The following MASTL variants were observed in gnomAD, a reference collection of about 807,000 sequenced individuals.
MASTL encodes microtubule associated serine/threonine kinase like.
In MASTL, 54 loss-of-function variants were observed where a neutral mutation model predicts 82.5. The observed-to-expected ratio is 0.65, with a 90% CI of 0.53 to 0.82. The LOEUF (loss-of-function observed/expected upper bound fraction) is 0.82. Ranked by LOEUF, MASTL falls within the 40% of genes least tolerant of loss-of-function variation. The pLI is 0.00. For missense variants in MASTL, 950 were observed against 1,047.8 expected, an observed-to-expected ratio of 0.91 and a Z score of 1.29; for synonymous variants, 323 against 368.9, an observed-to-expected ratio of 0.88 and a Z score of 1.43.
In MASTL at chr10:27,187,055, A is replaced by G. The variant is rs2058806019; in HGVS notation, c.*519A>G. On this transcript the variant is annotated 3_prime_UTR_variant, in exon 12 of 12. Coordinates refer to ENST00000375940, the MANE Select transcript of MASTL (RefSeq NM_001172303.3). ...AGTGGCTCACGCATGTAATCCCAGC[A>G]CTGTGGGAGGCCGAGGCAGGCTGAT... is the stretch of plus-strand genomic sequence containing the variant. 5.5e-6 allele frequency: 1 copy of G among 180,450 alleles called. No individual in the cohort carries two copies. Among genetic ancestry groups the G allele is most frequent in the Admixed American group, 5.6e-5 (1 of 17,972 alleles). 11.2% of individuals were successfully genotyped at this position (180,450 alleles called of 1,614,324 possible). A position where few individuals can be genotyped will look rare whatever the true frequency, so the allele number is the denominator to read the frequency against.
At chr10:27,158,414 G>C in intron 1 of MASTL, 135 bp from the exon 2 acceptor site, 1 of 696,696 alleles carries the variant, frequency 1.4e-6, no homozygotes, top group Non-Finnish European at 2.5e-6. Context: ...GGCTGAGGTG[G>C]GAGGATAACT....
intron 1 of MASTL, among the ~76,000 whole-genome samples, chr10:27,156,477 G>A (rs1353119876): frequency 2.0e-5 from 3 of 152,018 alleles, no homozygotes; most frequent in Admixed American, 2.0e-4. Flanking sequence ...TTAACCAGAA[G>A]AAAGATTACT....
intron 7 of MASTL, among the ~76,000 whole-genome samples, chr10:27,169,494 C>G (rs951983923): frequency 3.2e-4 from 48 of 151,270 alleles, no homozygotes; most frequent in African/African-American, 1.2e-3. Context: ...TGCTTGAACC[C>G]AGGAGGCAGA....
chr10:27,182,246 C>CAA lies in MASTL; in HGVS notation c.2482+679_2482+680dup, dbSNP rs139820757. Among the ~76,000 whole-genome samples the CAA allele has an allele frequency of 7.1e-3, 966 of 135,276 alleles. 11 individuals are homozygous for CAA. The highest frequency in any genetic ancestry group is 0.04 in the Middle Eastern group (10 of 252). The allele number at this position is 135,276 out of a possible 152,430, so 88.7% of individuals were successfully genotyped here. A position where few individuals can be genotyped will look rare whatever the true frequency, so the allele number is the denominator to read the frequency against. On this transcript the variant is annotated intron_variant, in intron 11 of 11. Coordinates refer to ENST00000375940, the MANE Select transcript of MASTL (RefSeq NM_001172303.3). ...AGCCTGGGCGACAGAGACTCTGTCT[C>CAA]AAAAAAAAAAAAAAATCAAGTTCCA... is the stretch of plus-strand genomic sequence containing the variant.
chr10:27,176,687 C>T (rs1461024440), intron 9 of MASTL, among the ~76,000 whole-genome samples: 1 of 152,106 alleles, frequency 6.6e-6, no homozygotes, highest in East Asian at 1.9e-4. Flanking sequence ...CATAAAGCAT[C>T]CCTTGATCAA....
chr10:27,155,708 G>C (rs1355216643), intron 1 of MASTL, 96 bp downstream of exon 1: 1 of 1,407,618 alleles, frequency 7.1e-7, no homozygotes, highest in Admixed American at 1.9e-5. Flanking sequence ...CTGGAGCGAG[G>C]AGTCTGGGTG....
chr10:27,181,860 A>T (rs981891367), intron 11 of MASTL, among the ~76,000 whole-genome samples: 1 of 152,024 alleles, frequency 6.6e-6, no homozygotes, highest in African/African-American at 2.4e-5. Context: ...GGATCACGAG[A>T]TCAGGAGATC....
At chr10:27,156,745 C>G (rs2057398355) in intron 1 of MASTL, among the ~76,000 whole-genome samples, 1 of 151,420 alleles carries the variant, frequency 6.6e-6, no homozygotes, top group African/African-American at 2.4e-5. Context: ...GTCTGGAGCT[C>G]CTGACCTCAG....
intron 1 of MASTL, among the ~76,000 whole-genome samples, chr10:27,156,132 C>T (rs1241630314): frequency 6.6e-6 from 1 of 151,838 alleles, no homozygotes; most frequent in Non-Finnish European, 1.5e-5. Flanking sequence ...GGCCTCCCGA[C>T]GAGCTGGGAC....
chr10:27,164,966 CA>C, intron 4 of MASTL, 97 bp from the exon 5 acceptor site: 2 of 832,042 alleles, frequency 2.4e-6, no homozygotes, highest in Non-Finnish European at 4.0e-6. Context: ...ATTTGGTTTA[CA>C]AAAAATTGTT....
Position 27,186,734 on chromosome 10 carries a change from C to T in MASTL, c.*198C>T, listed in dbSNP as rs912616214. 1.4e-4 allele frequency: 83 copies of T among 590,540 alleles called. No individual in the cohort carries two copies. Among genetic ancestry groups the T allele is most frequent in the Non-Finnish European group, 2.0e-4 (68 of 333,730 alleles). 36.6% of individuals were successfully genotyped at this position (590,540 alleles called of 1,614,324 possible). ...TCAGTAATTTATCTTAACCTCAAAACTGTATATAAATCTTCAAAGCTTTTT... is the reference window on the plus strand; with the variant it reads ...TCAGTAATTTATCTTAACCTCAAAATTGTATATAAATCTTCAAAGCTTTTT... On this transcript the variant is annotated 3_prime_UTR_variant, in exon 12 of 12. Transcript: ENST00000375940.
At chr10:27,182,122 G>C (rs2058353945) in intron 11 of MASTL, among the ~76,000 whole-genome samples, 1 of 151,040 alleles carries the variant, frequency 6.6e-6, no homozygotes, top group Non-Finnish European at 1.5e-5. Flanking sequence ...GTGGTGGCGT[G>C]CACCTGTAGT....
At chr10:27,167,361 A>G in intron 7 of MASTL, 87 bp downstream of exon 7, 2 of 1,185,984 alleles carry the variant, frequency 1.7e-6, no homozygotes, top group South Asian at 2.6e-5. Flanking sequence ...TAAATTCCAT[A>G]AAGAAATGAA....
chr10:27,181,070 A>AT lies in MASTL; in HGVS notation c.2380+6dup, dbSNP rs1415109815. On this transcript the variant is annotated splice_donor_region_variant and intron_variant, in intron 10 of 11. Transcript: ENST00000375940. ...TTCCAGAATATTCTGAAAAGAGGTG[A>AT]TTCTTTTTCTCCTATTAAGATAGTC... 2 of 1,535,874 alleles carry AT rather than the reference A, an allele frequency of 1.3e-6. No individual in the cohort carries two copies.
upstream of MASTL, chr10:27,155,282 G>A: frequency 1.3e-6 from 1 of 763,414 alleles, no homozygotes; most frequent in African/African-American, 1.8e-5. Flanking sequence ...CGTCTGCGTA[G>A]GGGAGGTGAC....
At position 27,181,711 on chromosome 10, in the gene MASTL, C is replaced by T. The variant is rs536973482; in HGVS notation, c.2482+130C>T. The T allele has an allele frequency of 1.9e-3, 1,217 of 627,706 alleles. 4 individuals are homozygous for T. Among genetic ancestry groups the T allele is most frequent in the Non-Finnish European group, 1.8e-3 (624 of 348,554 alleles). 38.9% of individuals were successfully genotyped at this position (627,706 alleles called of 1,614,324 possible). A position where few individuals can be genotyped will look rare whatever the true frequency, so the allele number is the denominator to read the frequency against. On this transcript the variant is annotated intron_variant, in intron 11 of 11. Coordinates refer to ENST00000375940, the MANE Select transcript of MASTL (RefSeq NM_001172303.3). ...ATCCCAGCACTTTGGGAGGCTGAGG[C>T]GGGCTGATCACAAGGTCAGGAGTTC... is the stretch of plus-strand genomic sequence containing the variant.
At chr10:27,173,031 G>A in intron 8 of MASTL, 87 bp from the exon 9 acceptor site, 1 of 1,519,126 alleles carries the variant, frequency 6.6e-7, no homozygotes, top group Non-Finnish European at 9.1e-7. Flanking sequence ...CTATGAGCTA[G>A]TTATTTGGCT....
At chr10:27,155,200 G>C, upstream of MASTL, 1 of 578,290 alleles carries the variant, frequency 1.7e-6, no homozygotes, top group Non-Finnish European at 3.1e-6. Context: ...TGATGTCAGT[G>C]GGGCCGCGGT....
chr10:27,187,741 G>T lies in MASTL; in HGVS notation c.*1205G>T, dbSNP rs1361833457. ...CATTTCAGCCTGGGCAACAGAATGA[G>T]ACTCAGTCTCAAAAAAAAAAAAAAT... On this transcript the variant is annotated 3_prime_UTR_variant, in exon 12 of 12. Transcript: ENST00000375940. Among the ~76,000 whole-genome samples the T allele has an allele frequency of 8.0e-6, 1 of 124,870 alleles. No individual in the cohort carries two copies. Among genetic ancestry groups the T allele is most frequent in the Admixed American group, 8.4e-5 (1 of 11,878 alleles). The allele number at this position is 124,870 out of a possible 152,430, so 81.9% of individuals were successfully genotyped here. A position where few individuals can be genotyped will look rare whatever the true frequency, so the allele number is the denominator to read the frequency against.
Sources: gnomAD v4.1 joint callset for allele counts (sites outside exome capture counted in the v4.1 genomes callset) on GRCh38, gnomAD v4.1.1 for gene constraint, MANE v1.5 for transcripts, NCBI Gene and HGNC (gene_info 2026-07-23, HGNC 2026-07-21) for gene names.